The following CTNNA2 variants were observed in gnomAD, a reference collection of about 807,000 sequenced individuals.
CTNNA2 encodes the protein catenin alpha-2.
CTNNA2 carries 42 observed loss-of-function variants against 101.0 expected under a neutral mutation model. That is an observed-to-expected ratio of 0.42 (90% confidence interval 0.32 to 0.54). CTNNA2 has a LOEUF of 0.54. CTNNA2 is among the 20% of genes least tolerant of loss of function. The pLI, the probability that CTNNA2 is intolerant of heterozygous loss-of-function variation, is 0.14. For missense variants in CTNNA2, 871 were observed against 1,223.1 expected (o/e 0.71, Z 4.29); for synonymous variants, 450 against 456.4 (o/e 0.99, Z 0.18).
chr2:79,823,217 A>G (rs564414195), intron 3 of CTNNA2, among the ~76,000 whole-genome samples: 4 of 152,338 alleles, frequency 2.6e-5, no homozygotes, highest in South Asian at 2.1e-4. Context: ...GACCTAAGCC[A>G]TATCTGCCTT....
chr2:80,070,726 A>AT (rs545861717), intron 7 of CTNNA2, among the ~76,000 whole-genome samples: 3 of 151,070 alleles, frequency 2.0e-5, no homozygotes, highest in Non-Finnish European at 4.4e-5. Context: ...TCAAAAAAAA[A>AT]AAAAAGTCTG....
rs34057879 is a variant in CTNNA2 at position 79,537,796 on chromosome 2, CTT to C, written c.-6+24601_-6+24602del. Among the ~76,000 whole-genome samples, 462 of 145,288 alleles carry C rather than the reference CTT, an allele frequency of 3.2e-3. 1 individual carries two copies. Among genetic ancestry groups the C allele is most frequent in the African/African-American group, 7.8e-3 (307 of 39,584 alleles). ...GCACATGTTTCTTGAATTACTATGC[CTT>C]TTTTTTTTTTTCAAGAGAAAGTTAT... On this transcript the variant is annotated intron_variant, in intron 1 of 18. Coordinates refer to ENST00000402739, the MANE Select transcript of CTNNA2 (RefSeq NM_001282597.3).
chr2:79,643,006 C>T (rs1004310820), intron 1 of CTNNA2, among the ~76,000 whole-genome samples: 6 of 152,186 alleles, frequency 3.9e-5, no homozygotes, highest in African/African-American at 1.4e-4. Flanking sequence ...TCCTGGCCAA[C>T]ACAGTGAAAC....
intron 2 of CTNNA2, among the ~76,000 whole-genome samples, chr2:79,739,574 AG>A (rs1283094384): frequency 6.6e-6 from 1 of 152,234 alleles, no homozygotes; most frequent in African/African-American, 2.4e-5. Context: ...ATACAGATTT[AG>A]GGGGTACAAG....
chr2:80,090,312 C>A (rs898806616), intron 7 of CTNNA2, among the ~76,000 whole-genome samples: 2 of 151,624 alleles, frequency 1.3e-5, no homozygotes, highest in Non-Finnish European at 2.9e-5. Flanking sequence ...TTGTGCAGGC[C>A]CCTGTGGTCA....
chr2:80,398,987 C>G (rs1678306574), intron 8 of CTNNA2, among the ~76,000 whole-genome samples: 1 of 151,544 alleles, frequency 6.6e-6, no homozygotes. Context: ...CAACTCACTG[C>G]AACCTTCACC....
At chr2:79,247,157 A>G (rs1345149553) in intron 2 of CTNNA2, among the ~76,000 whole-genome samples, 2 of 152,078 alleles carry the variant, frequency 1.3e-5, no homozygotes, top group African/African-American at 4.8e-5. Flanking sequence ...GAGTCGTAAG[A>G]CCCCAGTGTG....
intron 7 of CTNNA2, among the ~76,000 whole-genome samples, chr2:80,378,356 CAAAAAATAAATAAATA>C (rs1349487803): frequency 1.0e-4 from 14 of 136,320 alleles, no homozygotes; most frequent in South Asian, 2.4e-4. Context: ...AACTCTGTCT[CAAAAAATAAATAAATA>C]AATAAATAAA....
intron 3 of CTNNA2, among the ~76,000 whole-genome samples, chr2:79,816,188 T>C (rs1316661866): frequency 6.6e-6 from 1 of 152,144 alleles, no homozygotes; most frequent in Non-Finnish European, 1.5e-5. Flanking sequence ...TAAACAATCA[T>C]ATCGTCAGCA....
chr2:80,368,842 TATA>T (rs1675182439), intron 7 of CTNNA2, among the ~76,000 whole-genome samples: 1 of 120,884 alleles, frequency 8.3e-6, no homozygotes, highest in African/African-American at 5.2e-5. Context: ...TGTGTGTGTG[TATA>T]TATGTGTGTG....
intron 7 of CTNNA2, among the ~76,000 whole-genome samples, chr2:79,969,669 A>G (rs1382652740): frequency 1.3e-5 from 2 of 152,184 alleles, no homozygotes; most frequent in African/African-American, 4.8e-5. Context: ...TATAACTTAA[A>G]CAGTGGTGGT....
At chr2:80,252,699 T>A (rs925171698) in intron 7 of CTNNA2, among the ~76,000 whole-genome samples, 1 of 152,176 alleles carries the variant, frequency 6.6e-6, no homozygotes, top group African/African-American at 2.4e-5. Context: ...CTCAGAAATA[T>A]GTCCTAGGTG....
At chr2:79,243,799 GA>G (rs1404166519) in intron 2 of CTNNA2, among the ~76,000 whole-genome samples, 2 of 152,138 alleles carry the variant, frequency 1.3e-5, no homozygotes, top group Non-Finnish European at 2.9e-5. Context: ...TAAGGAATAG[GA>G]AAAGGGAATA....
intron 7 of CTNNA2, among the ~76,000 whole-genome samples, chr2:80,286,633 C>T (rs1674790919): frequency 6.6e-6 from 1 of 152,164 alleles, no homozygotes; most frequent in African/African-American, 2.4e-5. Flanking sequence ...TTAGGAGACC[C>T]TTTTCTTCCA....
chr2:80,072,070 A>G (rs193228750), intron 7 of CTNNA2, among the ~76,000 whole-genome samples: 5 of 152,276 alleles, frequency 3.3e-5, no homozygotes, highest in African/African-American at 9.6e-5. Flanking sequence ...GTCTATAGAT[A>G]GACACTGAGA....
chr2:80,286,244 A>T, intron 7 of CTNNA2, among the ~76,000 whole-genome samples: 1 of 152,054 alleles, frequency 6.6e-6, no homozygotes, highest in South Asian at 2.1e-4. Flanking sequence ...CTCCGTACCC[A>T]TTCCCCTATG....
At chr2:79,613,590 G>A (rs1279358773) in intron 1 of CTNNA2, among the ~76,000 whole-genome samples, 1 of 152,102 alleles carries the variant, frequency 6.6e-6, no homozygotes, top group Non-Finnish European at 1.5e-5. Flanking sequence ...CGAAATGATA[G>A]AGAAGGATAG....
chr2:79,545,850 A>G (rs553141968), intron 1 of CTNNA2, among the ~76,000 whole-genome samples: 27 of 152,358 alleles, frequency 1.8e-4, no homozygotes, highest in Admixed American at 6.5e-4. Flanking sequence ...ATATGAATAA[A>G]TATAACTAGT....
intron 9 of CTNNA2, among the ~76,000 whole-genome samples, chr2:80,464,607 G>T (rs1684706311): frequency 6.6e-6 from 1 of 152,090 alleles, no homozygotes; most frequent in Non-Finnish European, 1.5e-5. Flanking sequence ...TATTAGCTAG[G>T]AAGTTTCACT....
Sources: allele counts gnomAD v4.1 joint callset (sites outside exome capture counted in the v4.1 genomes callset), GRCh38; gene constraint gnomAD v4.1.1; transcripts MANE v1.5; gene names NCBI Gene and HGNC (gene_info 2026-07-23, HGNC 2026-07-21).